TIAM2: variants seen among roughly 807,000 people sequenced by gnomAD.
TIAM2 encodes TIAM Rac1 associated GEF 2, also known as rho guanine nucleotide exchange factor TIAM2.
TIAM2 carries 80 observed loss-of-function variants against 152.9 expected under a neutral mutation model. That is an observed-to-expected ratio of 0.52 (90% CI 0.44 to 0.63). The LOEUF (loss-of-function observed/expected upper bound fraction) is 0.63. Among genes scored for constraint, TIAM2 ranks in the 30% least tolerant of loss-of-function variants. The pLI, the probability that TIAM2 is intolerant of heterozygous loss-of-function variation, is 0.00. For missense variants in TIAM2, 1,965 were observed against 2,120.1 expected, an observed-to-expected ratio of 0.93 and a Z score of 1.44; for synonymous variants, 804 against 838.0, an observed-to-expected ratio of 0.96 and a Z score of 0.70.
At chr6:155,101,767 G>A (rs1778554014) in intron 2 of TIAM2, among the ~76,000 whole-genome samples, 1 of 150,924 alleles carries the variant, frequency 6.6e-6, no homozygotes, top group African/African-American at 2.4e-5. Flanking sequence ...CTGGAGTACA[G>A]TGGTGCAATC....
chr6:155,017,757 C>T (rs1778620697), intron 1 of TIAM2, among the ~76,000 whole-genome samples: 1 of 152,088 alleles, frequency 6.6e-6, no homozygotes, highest in Admixed American at 6.5e-5. Flanking sequence ...CCTGCCTCGG[C>T]CTCCCAAAGT....
chr6:155,250,646 C>CT (rs1188067454), intron 21 of TIAM2: 2 of 1,533,268 alleles, frequency 1.3e-6, no homozygotes, highest in Non-Finnish European at 1.7e-6. Flanking sequence ...CTTATGGAAA[C>CT]TGAGTTGGTC....
At chr6:155,177,797 T>C (rs1780790959) in intron 10 of TIAM2, among the ~76,000 whole-genome samples, 1 of 152,186 alleles carries the variant, frequency 6.6e-6, no homozygotes, top group Non-Finnish European at 1.5e-5. Flanking sequence ...ATATGTAACG[T>C]TTTTATTCAG....
intron 5 of TIAM2, among the ~76,000 whole-genome samples, chr6:155,139,143 C>T (rs1779628138): frequency 6.6e-6 from 1 of 152,204 alleles, no homozygotes; most frequent in South Asian, 2.1e-4. Flanking sequence ...GAAACATCTG[C>T]AAATACTACG....
chr6:155,226,524 G>A (rs1782249776), intron 15 of TIAM2, among the ~76,000 whole-genome samples: 1 of 152,112 alleles, frequency 6.6e-6, no homozygotes, highest in South Asian at 2.1e-4. Context: ...AATTAGCTGG[G>A]TATGGTGGTG....
At chr6:155,040,628 C>T (rs1389872631) in intron 1 of TIAM2, among the ~76,000 whole-genome samples, 3 of 152,234 alleles carry the variant, frequency 2.0e-5, no homozygotes, top group South Asian at 4.2e-4. Context: ...ATGTGATTCT[C>T]GTGCCTCAGC....
At chr6:155,030,262 C>T (rs1374736573) in intron 1 of TIAM2, among the ~76,000 whole-genome samples, 2 of 152,052 alleles carry the variant, frequency 1.3e-5, no homozygotes, top group Non-Finnish European at 2.9e-5. Context: ...AGTTGAACAT[C>T]TTGGAAAGAG....
chr6:155,149,087 G>C (rs182850847), intron 7 of TIAM2: 1 of 167,274 alleles, frequency 6.0e-6, no homozygotes. Flanking sequence ...GGATCTGGGA[G>C]GGACAAGTTG....
At chr6:155,032,532 GC>G (rs773928136) in intron 1 of TIAM2, among the ~76,000 whole-genome samples, 2 of 152,078 alleles carry the variant, frequency 1.3e-5, no homozygotes, top group Non-Finnish European at 2.9e-5. Context: ...TCTTTAGGCT[GC>G]AGGGATTTTT....
Position 155,129,730 on chromosome 6 carries a change from G to A in TIAM2, c.507G>A (p.Leu169=). Residue 169 remains leucine, a synonymous_variant, in exon 4 of 27, where the codon CTG becomes CTA. Coordinates refer to ENST00000682666, the MANE Select transcript of TIAM2 (RefSeq NM_012454.4). The surrounding 1 kb of genome is among the most constrained non-coding windows in gnomAD (Gnocchi z 4.8). The part of the protein sequence containing the change: ...PRVLIKTLGK[L]DGCLRVEFHN... ...TGCTCATCAAAACGCTGGGGAAGCT[G>A]GATGGGTGTTTAAGGGTCGAGTTCC... 6.2e-7 allele frequency: 1 copy of A among 1,614,030 alleles called. No individual in the cohort carries two copies. The highest frequency in any genetic ancestry group is 8.5e-7 in the Non-Finnish European group (1 of 1,180,028).
intron 1 of TIAM2, among the ~76,000 whole-genome samples, chr6:155,021,969 A>G (rs1776506324): frequency 6.6e-6 from 1 of 151,992 alleles, no homozygotes; most frequent in African/African-American, 2.4e-5. Context: ...GGCTTTCCCA[A>G]AGCTGCTTCG....
intron 15 of TIAM2, among the ~76,000 whole-genome samples, chr6:155,224,218 C>T (rs908091078): frequency 1.3e-5 from 2 of 152,220 alleles, no homozygotes; most frequent in Non-Finnish European, 2.9e-5. Context: ...ATAGCAGATT[C>T]TCACCTTGTG....
chr6:155,171,181 G>C (rs879039388), intron 9 of TIAM2, among the ~76,000 whole-genome samples: 1 of 152,196 alleles, frequency 6.6e-6, no homozygotes, highest in African/African-American at 2.4e-5. Flanking sequence ...TCTAATTGAT[G>C]CATCATATAA....
At chr6:155,176,772 G>T (rs772346049) in intron 9 of TIAM2, 44 bp from the exon 10 acceptor site, 3 of 1,596,716 alleles carry the variant, frequency 1.9e-6, no homozygotes, top group African/African-American at 1.4e-5. Flanking sequence ...TCCTTCATTT[G>T]TTAATCAAAT....
chr6:155,232,613 G>A (rs1299528049), intron 15 of TIAM2: 1 of 152,252 alleles, frequency 6.6e-6, no homozygotes, highest in East Asian at 1.9e-4. Flanking sequence ...CTGAGGACAT[G>A]AGACTTGGAT....
intron 1 of TIAM2, among the ~76,000 whole-genome samples, chr6:155,048,254 A>C (rs1028188504): frequency 6.6e-6 from 1 of 151,508 alleles, no homozygotes; most frequent in Non-Finnish European, 1.5e-5. Context: ...TTCCTGCCCT[A>C]TTTTTTTTAA....
intron 1 of TIAM2, among the ~76,000 whole-genome samples, chr6:155,087,015 G>A (rs1185390693): frequency 6.6e-6 from 1 of 152,196 alleles, no homozygotes; most frequent in Admixed American, 6.5e-5. Flanking sequence ...TAATTGCGAG[G>A]CAATTGCCTA....
intron 1 of TIAM2, among the ~76,000 whole-genome samples, chr6:155,038,363 G>C (rs1239576657): frequency 1.3e-5 from 2 of 152,316 alleles, no homozygotes; most frequent in African/African-American, 2.4e-5. Flanking sequence ...TTTGTTCCCA[G>C]TCCTGCCTGC....
intron 15 of TIAM2, among the ~76,000 whole-genome samples, chr6:155,226,743 T>G (rs1782262792): frequency 6.6e-6 from 1 of 152,160 alleles, no homozygotes; most frequent in African/African-American, 2.4e-5. Context: ...CTTTAAGAAC[T>G]CATAATTTGC....
Sources: gnomAD v4.1 joint callset for allele counts (sites outside exome capture counted in the v4.1 genomes callset) on GRCh38, gnomAD v4.1.1 for gene constraint, Gnocchi (gnomAD v3.1) non-coding constraint, MANE v1.5 for transcripts, NCBI Gene and HGNC (gene_info 2026-07-23, HGNC 2026-07-21) for gene names.